The following UNC13C variants were observed in gnomAD, a reference collection of about 807,000 sequenced individuals.
UNC13C encodes unc-13 homolog C, also known as protein unc-13 homolog C.
Under a neutral mutation model 245.4 loss-of-function variants are expected in UNC13C, and 174 were observed. That is an observed-to-expected ratio of 0.71 (90% CI 0.63 to 0.80). The LOEUF (loss-of-function observed/expected upper bound fraction) is 0.80. Among genes scored for constraint, UNC13C ranks in the 30% least tolerant of loss-of-function variants. The pLI is 0.00. For missense variants in UNC13C, 2,829 were observed against 2,602.9 expected (o/e 1.09, Z -1.89); for synonymous variants, 992 against 895.1 (o/e 1.11, Z -1.93).
At chr15:54,491,300 A>G (rs986842286) in intron 19 of UNC13C, among the ~76,000 whole-genome samples, 1 of 152,196 alleles carries the variant, frequency 6.6e-6, no homozygotes, top group Non-Finnish European at 1.5e-5. Context: ...AATAGTTATA[A>G]TTTATAAATC....
chr15:53,873,854 C>CCCCT, the UNC13C span, among the ~76,000 whole-genome samples: 975 of 131,596 alleles, frequency 7.4e-3, 6 homozygotes, highest in Non-Finnish European at 9.1e-3. Context: ...AGCATCTATC[C>CCCCT]CTCTCTCTCT....
intron 2 of UNC13C, among the ~76,000 whole-genome samples, chr15:54,077,781 T>TA (rs1898718144): frequency 1.3e-5 from 2 of 152,126 alleles, no homozygotes; most frequent in South Asian, 4.1e-4. Context: ...AATTGCCAAC[T>TA]AAAAAAATAA....
intron 17 of UNC13C, among the ~76,000 whole-genome samples, chr15:54,390,411 A>G (rs2039929621): frequency 6.6e-6 from 1 of 152,148 alleles, no homozygotes; most frequent in African/African-American, 2.4e-5. Context: ...ATAATCCTAT[A>G]ACCTGGCAAC....
chr15:54,578,960 C>A (rs569097616), intron 30 of UNC13C, among the ~76,000 whole-genome samples: 3 of 152,236 alleles, frequency 2.0e-5, no homozygotes, highest in Admixed American at 2.0e-4. Flanking sequence ...GTGATTTAAG[C>A]AAGAGTGCAA....
At chr15:54,154,653 A>C (rs2032664678) in intron 4 of UNC13C, among the ~76,000 whole-genome samples, 1 of 152,198 alleles carries the variant, frequency 6.6e-6, no homozygotes. Flanking sequence ...ACATATAGAT[A>C]TGAGGAGGAG....
At chr15:54,406,878 G>T (rs543913937) in intron 18 of UNC13C, among the ~76,000 whole-genome samples, 47 of 152,216 alleles carry the variant, frequency 3.1e-4, no homozygotes, top group African/African-American at 9.6e-4. Context: ...AGAGAGAGAG[G>T]TTATTATCTC....
Position 54,312,490 on chromosome 15 carries a change from C to T in UNC13C, c.4269-9449C>T, listed in dbSNP as rs552106166. On this transcript the variant is annotated intron_variant, in intron 13 of 32. Transcript: ENST00000260323. ...TTCTTTTTCTGAACAATGTAAACAA[C>T]CAGTAAATTTTGTCTTGCTAAAAGC... Among the ~76,000 whole-genome samples, 4 of 151,854 alleles carry T rather than the reference C, an allele frequency of 2.6e-5. No individual in the cohort carries two copies. In the South Asian group the frequency reaches 8.3e-4, roughly 32 times the overall value.
At chr15:54,044,250 G>T (rs1296374513) in intron 2 of UNC13C, among the ~76,000 whole-genome samples, 1 of 152,180 alleles carries the variant, frequency 6.6e-6, no homozygotes, top group African/African-American at 2.4e-5. Context: ...GCACATAACA[G>T]TAACTTCATT....
chr15:54,285,572 A>G (rs1313396604), intron 10 of UNC13C, among the ~76,000 whole-genome samples: 4 of 152,172 alleles, frequency 2.6e-5, no homozygotes, highest in Non-Finnish European at 5.9e-5. Context: ...TACTGTTTGA[A>G]AGGCTGCCGT....
intron 2 of UNC13C, among the ~76,000 whole-genome samples, chr15:54,107,859 A>G (rs1219956408): frequency 6.6e-6 from 1 of 152,230 alleles, no homozygotes; most frequent in East Asian, 1.9e-4. Context: ...GAACTATAAA[A>G]ACATCCTTTG....
intron 1 of UNC13C, among the ~76,000 whole-genome samples, chr15:53,996,933 T>C (rs1894663558): frequency 6.6e-6 from 1 of 152,122 alleles, no homozygotes; most frequent in East Asian, 1.9e-4. Context: ...GGGTGAGTAC[T>C]TAAGAATAAA....
chr15:54,616,597 A>G (rs1296600780), intron 30 of UNC13C, among the ~76,000 whole-genome samples: 2 of 152,102 alleles, frequency 1.3e-5, no homozygotes, highest in Non-Finnish European at 2.9e-5. Flanking sequence ...AGTCTTTAAA[A>G]TAGAAAAAAT....
At chr15:54,296,377 T>A (rs1025362985) in intron 11 of UNC13C, among the ~76,000 whole-genome samples, 15 of 106,608 alleles carry the variant, frequency 1.4e-4, no homozygotes, top group South Asian at 2.9e-4. Flanking sequence ...ATTTTTTTTT[T>A]TTTTTATTTT....
At chr15:53,910,151 A>G in the UNC13C span, among the ~76,000 whole-genome samples, 1 of 145,302 alleles carries the variant, frequency 6.9e-6, no homozygotes, top group Non-Finnish European at 1.5e-5. Flanking sequence ...TTAGCTACTT[A>G]TCTGGCAAGT....
chr15:53,969,583 T>A, the UNC13C span, among the ~76,000 whole-genome samples: 4 of 150,352 alleles, frequency 2.7e-5, no homozygotes, highest in Admixed American at 2.0e-4. Flanking sequence ...CTATTCAGGA[T>A]GCTGAGGCAG....
intron 13 of UNC13C, among the ~76,000 whole-genome samples, chr15:54,305,075 A>C (rs2037691671): frequency 1.3e-5 from 2 of 152,090 alleles, no homozygotes. Context: ...TTTTGAAGAG[A>C]GAAATCATAT....
At chr15:54,046,638 A>G (rs1276236459) in intron 2 of UNC13C, among the ~76,000 whole-genome samples, 1 of 151,858 alleles carries the variant, frequency 6.6e-6, no homozygotes, top group Admixed American at 6.6e-5. Flanking sequence ...TTGTTCTAGA[A>G]CATAGACACT....
At chr15:54,060,796 T>G (rs1442666457) in intron 2 of UNC13C, among the ~76,000 whole-genome samples, 2 of 152,166 alleles carry the variant, frequency 1.3e-5, no homozygotes, top group South Asian at 2.1e-4. Context: ...CCATAAAAAA[T>G]GATGAGTTCA....
intron 4 of UNC13C, among the ~76,000 whole-genome samples, chr15:54,231,979 G>A (rs961704202): frequency 6.6e-6 from 1 of 151,942 alleles, no homozygotes; most frequent in Non-Finnish European, 1.5e-5. Flanking sequence ...GATCGCTCCT[G>A]GTAAGAAGCC....
Sources: allele counts gnomAD v4.1 joint callset (sites outside exome capture counted in the v4.1 genomes callset), GRCh38; gene constraint gnomAD v4.1.1; transcripts MANE v1.5; gene names NCBI Gene and HGNC (gene_info 2026-07-23, HGNC 2026-07-21).